Variants in DYDC2 observed in about 807,000 individuals in gnomAD.
DYDC2 encodes the protein DPY30 domain containing 2, also known as DPY30 domain-containing protein 2.
Under a neutral mutation model 18.7 loss-of-function variants are expected in DYDC2, and 19 were observed. The observed-to-expected ratio is 1.02, with a 90% CI of 0.71 to 1.49. The LOEUF is 1.49. DYDC2 is among the 40% of genes most tolerant of loss of function. The pLI is 0.00. For synonymous variants in DYDC2, 63 were observed against 67.6 expected, an observed-to-expected ratio of 0.93 and a Z score of 0.34; for missense variants, 179 against 205.1, an observed-to-expected ratio of 0.87 and a Z score of 0.78.
intron 1 of DYDC2, among the ~76,000 whole-genome samples, chr10:80,348,440 C>T (rs1564664164): frequency 6.6e-6 from 1 of 152,208 alleles, no homozygotes. Flanking sequence ...AGTAAACTCA[C>T]TTCAACAACA....
At chr10:80,362,889 G>T (rs1843706936) in intron 3 of DYDC2, 62 bp from the exon 4 acceptor site, 13 of 1,574,340 alleles carry the variant, frequency 8.3e-6, no homozygotes, top group Non-Finnish European at 1.1e-5. Context: ...CCCAGTGAGG[G>T]GGCCCCGTTT....
Position 80,362,431 on chromosome 10 carries a change from C to A in DYDC2, c.-9-4C>A. 6.2e-7 allele frequency: 1 copy of A among 1,606,426 alleles called. No individual in the cohort carries two copies. The highest frequency in any genetic ancestry group is 2.2e-5 in the East Asian group (1 of 44,678). On this transcript the variant is annotated splice_region_variant and splice_polypyrimidine_tract_variant and intron_variant, in intron 2 of 4. Transcript: ENST00000256039. Reference sequence around the variant, plus strand: ...TAGTGTGACTTTGTTTTGATGTTTTCCAGGCTGCCAGGATGGAAACTAACT... The same window carrying A: ...TAGTGTGACTTTGTTTTGATGTTTTACAGGCTGCCAGGATGGAAACTAACT...
intron 2 of DYDC2, among the ~76,000 whole-genome samples, chr10:80,359,258 T>C (rs530095753): frequency 6.6e-6 from 1 of 152,306 alleles, no homozygotes; most frequent in South Asian, 2.1e-4. Flanking sequence ...CTAGATTAGC[T>C]AGACACAGAG....
chr10:80,362,850 G>A, intron 3 of DYDC2, 101 bp from the exon 4 acceptor site: 1 of 1,459,206 alleles, frequency 6.9e-7, no homozygotes, highest in Non-Finnish European at 9.2e-7. Flanking sequence ...AACTCAACAG[G>A]CCCAAAGAGC....
rs748274981 is a variant in DYDC2 at position 80,362,452 on chromosome 10, TA to T, written c.11del (p.Asn4ThrfsTer3). On this transcript the variant is annotated frameshift_variant, in exon 3 of 5. Coordinates refer to ENST00000256039, the MANE Select transcript of DYDC2 (RefSeq NM_032372.6). LOFTEE classifies it high-confidence loss of function. ...TTTTCCAGGCTGCCAGGATGGAAACTAACTACCTGAAGAGGTGCTTTGGAAA... is the reference window on the plus strand; with the variant it reads ...TTTTCCAGGCTGCCAGGATGGAAACTACTACCTGAAGAGGTGCTTTGGAAA... MET[N>X]YLKRCFGNCL... The T allele has an allele frequency of 7.4e-6, 12 of 1,613,004 alleles. No homozygotes were observed. The East Asian group carries it at 2.5e-4, about 33-fold the overall frequency.
In DYDC2 at chr10:80,346,730, G is replaced by A. The variant is rs566891265; in HGVS notation, c.-310+1915G>A. ...CCGCCTCAGCCTCCCGAAGTGCTGGGATTACAGGTGTGAGCCACTGCCCCC... is the reference window on the plus strand; with the variant it reads ...CCGCCTCAGCCTCCCGAAGTGCTGGAATTACAGGTGTGAGCCACTGCCCCC... On this transcript the variant is annotated intron_variant, in intron 1 of 4. Transcript: ENST00000372197. Among the ~76,000 whole-genome samples, 39 of 151,860 alleles carry A rather than the reference G, an allele frequency of 2.6e-4. No individual in the cohort carries two copies. The South Asian group carries it at 6.5e-3, about 25-fold the overall frequency.
At chr10:80,361,802 T>A (rs542837629) in intron 2 of DYDC2, among the ~76,000 whole-genome samples, 32 of 152,322 alleles carry the variant, frequency 2.1e-4, no homozygotes, top group Non-Finnish European at 4.3e-4. Context: ...AACGATTGTA[T>A]TTTTTAGAAT....
At chr10:80,358,688 TTTA>T (rs1323775681) in intron 2 of DYDC2, among the ~76,000 whole-genome samples, 4 of 152,138 alleles carry the variant, frequency 2.6e-5, no homozygotes, top group Non-Finnish European at 5.9e-5. Flanking sequence ...GCTTGGAGAT[TTTA>T]TTAACATGCA....
At chr10:80,359,875 C>G (rs1268502771) in intron 2 of DYDC2, among the ~76,000 whole-genome samples, 1 of 152,186 alleles carries the variant, frequency 6.6e-6, no homozygotes, top group Non-Finnish European at 1.5e-5. Context: ...GCCTCTCCCT[C>G]CACACCTCCC....
At chr10:80,352,574 G>C (rs267602591), upstream of DYDC2, 4 of 1,610,592 alleles carry the variant, frequency 2.5e-6, no homozygotes, top group Non-Finnish European at 3.4e-6. Context: ...CAGGCCCCAA[G>C]GTGCTTTTGA....
chr10:80,351,336 G>A (rs772006082), intron 1 of DYDC2, among the ~76,000 whole-genome samples: 10 of 151,662 alleles, frequency 6.6e-5, no homozygotes, highest in Admixed American at 2.0e-4. Flanking sequence ...CTGACCCTAC[G>A]AATCATCCAC....
chr10:80,363,222 C>A, intron 4 of DYDC2, 149 bp downstream of exon 4: 3 of 630,086 alleles, frequency 4.8e-6, no homozygotes, highest in Admixed American at 4.0e-5. Flanking sequence ...CACATATTTG[C>A]ATATAAACCA....
intron 1 of DYDC2, among the ~76,000 whole-genome samples, chr10:80,347,901 C>G (rs1842765431): frequency 1.3e-5 from 2 of 152,094 alleles, no homozygotes; most frequent in South Asian, 4.1e-4. Flanking sequence ...GTTCCAACTT[C>G]GTTTTTCTTT....
rs894470191 is a variant in DYDC2, at chr10:80,357,931, C to G, written c.-124C>G. ...CCAAGCGTGGGCGGTATACAGTAAA[C>G]AAAGACAACCCCTATTCTTATCACC... is the stretch of plus-strand genomic sequence containing the variant. On this transcript the variant is annotated 5_prime_UTR_variant, in exon 2 of 5. Transcript: ENST00000256039. 75 of 985,052 alleles carry G rather than the reference C, an allele frequency of 7.6e-5. No individual in the cohort carries two copies. Among genetic ancestry groups the G allele is most frequent in the African/African-American group, 1.6e-4 (9 of 57,230 alleles). 61.0% of individuals were successfully genotyped at this position (985,052 alleles called of 1,614,324 possible). A position where few individuals can be genotyped will look rare whatever the true frequency, so the allele number is the denominator to read the frequency against.
intron 2 of DYDC2, among the ~76,000 whole-genome samples, chr10:80,361,692 T>A (rs1843666198): frequency 6.6e-6 from 1 of 152,240 alleles, no homozygotes; most frequent in Non-Finnish European, 1.5e-5. Context: ...GATTCTTATT[T>A]TATTCTGTAA....
At chr10:80,355,558 T>C (rs1843314570), upstream of DYDC2, among the ~76,000 whole-genome samples, 1 of 152,098 alleles carries the variant, frequency 6.6e-6, no homozygotes. Flanking sequence ...TTATTTACAA[T>C]AGTCACACTG....
chr10:80,362,949 A>G lies in DYDC2; in HGVS notation c.148-2A>G, dbSNP rs7903783. 2,536 of 1,612,598 alleles carry G rather than the reference A, an allele frequency of 1.6e-3. 24 individuals carry two copies. The African/African-American group carries it at 0.028, about 18-fold the overall frequency. ...TGATTTGACTCTGTCACCTCACCCC[A>G]GAATAGGGAAAAGAAGATCCACCTG... On this transcript the variant is annotated splice_acceptor_variant, in intron 3 of 4. Transcript: ENST00000256039. LOFTEE classifies it high-confidence loss of function.
upstream of DYDC2, among the ~76,000 whole-genome samples, chr10:80,354,899 G>A (rs373369849): frequency 1.3e-5 from 2 of 152,164 alleles, no homozygotes; most frequent in South Asian, 4.1e-4. Flanking sequence ...CTACAGCAGC[G>A]CAAACTAAAA....
chr10:80,351,855 G>A (rs747419266), upstream of DYDC2: 12 of 1,558,228 alleles, frequency 7.7e-6, no homozygotes, highest in Admixed American at 5.2e-5. Flanking sequence ...TGCTGAGGTT[G>A]GCATCGTTAA....
Sources: allele counts gnomAD v4.1 joint callset (sites outside exome capture counted in the v4.1 genomes callset), GRCh38; gene constraint gnomAD v4.1.1; transcripts MANE v1.5; gene names NCBI Gene and HGNC (gene_info 2026-07-23, HGNC 2026-07-21).